PRTG: variants seen among roughly 807,000 people sequenced by gnomAD.
PRTG encodes protogenin.
In PRTG, 67 loss-of-function variants were observed where a neutral mutation model predicts 122.5. The ratio of observed to expected loss-of-function variants is 0.55; its 90% CI spans 0.45 to 0.67. The LOEUF (loss-of-function observed/expected upper bound fraction) is 0.67. Among genes scored for constraint, PRTG ranks in the 30% least tolerant of loss-of-function variants. The probability of loss-of-function intolerance (pLI) is 0.00; values close to 1 mark genes in which losing one functional copy is unlikely to be tolerated. For synonymous variants in PRTG, 554 were observed against 501.1 expected, an observed-to-expected ratio of 1.11 and a Z score of -1.41; for missense variants, 1,435 against 1,415.4, an observed-to-expected ratio of 1.01 and a Z score of -0.22.
At chr15:55,639,045 C>T (rs557128126) in intron 13 of PRTG, among the ~76,000 whole-genome samples, 36 of 152,238 alleles carry the variant, frequency 2.4e-4, no homozygotes, top group African/African-American at 7.9e-4. Context: ...GATCATAGCT[C>T]ACTGCAGCCT....
intron 18 of PRTG, among the ~76,000 whole-genome samples, chr15:55,623,796 T>C (rs1458213267): frequency 6.6e-6 from 1 of 152,224 alleles, no homozygotes; most frequent in Admixed American, 6.5e-5. Flanking sequence ...GGAAAGGACA[T>C]GAAGTAACTT....
intron 11 of PRTG, among the ~76,000 whole-genome samples, chr15:55,665,422 T>A (rs1312920892): frequency 6.6e-6 from 1 of 151,712 alleles, no homozygotes; most frequent in African/African-American, 2.4e-5. Context: ...GCAAGAACTA[T>A]ACACAGTCTA....
chr15:55,672,468 A>G lies in PRTG; in HGVS notation c.2018T>C (p.Leu673Pro), dbSNP rs2059477916. The G allele has an allele frequency of 1.2e-6, 2 of 1,613,934 alleles. No individual in the cohort carries two copies. The highest frequency in any genetic ancestry group is 2.7e-5 in the African/African-American group (2 of 74,936). The change falls in exon 11 of 20, where the codon CTA becomes CCA. Residue 673 changes from leucine (L) to proline (P), a missense_variant. Transcript: ENST00000389286. ...NGPIFLDTKD[L>P]LYTLSGLDPR... ...ACCTAAGCCACTGAGAGTATAGAGT[A>G]GGTCCTTGGTATCCAAGAAAATGGG...
chr15:55,654,684 C>T (rs978580453), intron 11 of PRTG, among the ~76,000 whole-genome samples: 3 of 152,208 alleles, frequency 2.0e-5, no homozygotes, highest in African/African-American at 7.2e-5. Context: ...CACGGTCTGT[C>T]TCACATACAT....
rs992615919 is a variant in PRTG, at chr15:55,619,451, T to C, written c.*561A>G. On this transcript the variant is annotated 3_prime_UTR_variant, in exon 20 of 20. Transcript: ENST00000389286. ...AAACATTCTTACTCATCTACCTATA[T>C]GACTCCTTTGATCACACACATTACA... The C allele has an allele frequency of 7.1e-5, 11 of 154,030 alleles. No homozygotes were observed. The highest frequency in any genetic ancestry group is 1.7e-4 in the African/African-American group (7 of 41,458). 9.5% of individuals were successfully genotyped at this position (154,030 alleles called of 1,614,324 possible). A position where few individuals can be genotyped will look rare whatever the true frequency, so the allele number is the denominator to read the frequency against.
intron 2 of PRTG, among the ~76,000 whole-genome samples, chr15:55,710,915 T>C (rs1321424640): frequency 6.6e-6 from 1 of 151,972 alleles, no homozygotes; most frequent in Non-Finnish European, 1.5e-5. Context: ...TGATTTTTTT[T>C]GTTTTTTTGA....
At chr15:55,656,458 T>C (rs2059380823) in intron 11 of PRTG, 1 of 399,024 alleles carries the variant, frequency 2.5e-6, no homozygotes, top group African/African-American at 2.1e-5. Flanking sequence ...TCTGTTAGGT[T>C]GCTTGTTGAA....
chr15:55,634,891 T>C (rs2059247967), intron 15 of PRTG, among the ~76,000 whole-genome samples: 1 of 151,836 alleles, frequency 6.6e-6, no homozygotes, highest in Admixed American at 6.6e-5. Context: ...CCCCAGTGAA[T>C]TACACCCGCA....
intron 18 of PRTG, among the ~76,000 whole-genome samples, chr15:55,621,383 T>A (rs1177886400): frequency 7.0e-6 from 1 of 143,352 alleles, no homozygotes; most frequent in African/African-American, 2.6e-5. Context: ...ATAGGCCAGG[T>A]ACGGTGGCTC....
intron 2 of PRTG, among the ~76,000 whole-genome samples, chr15:55,736,076 T>C (rs1314862644): frequency 6.6e-6 from 1 of 152,174 alleles, no homozygotes; most frequent in Non-Finnish European, 1.5e-5. Context: ...TTATCTACAG[T>C]GTTGGCAGAT....
At position 55,620,681 on chromosome 15, in the gene PRTG, CTTT is replaced by C. The variant is rs746570761; in HGVS notation, c.3177_3179del (p.Lys1061del). The C allele has an allele frequency of 1.3e-6, 2 of 1,596,358 alleles. No homozygotes were observed. The highest frequency in any genetic ancestry group is 1.7e-6 in the Non-Finnish European group (2 of 1,175,808). On this transcript the variant is annotated inframe_deletion, in exon 19 of 20. Coordinates refer to ENST00000389286, the MANE Select transcript of PRTG (RefSeq NM_173814.6). ...AGGTTACCTGCTCAACTTGTATCTT[CTTT>C]GAGTCTTGGAAAAAAAACCACTTTT...
intron 11 of PRTG, among the ~76,000 whole-genome samples, chr15:55,665,516 T>G (rs574383166): frequency 3.3e-5 from 5 of 151,812 alleles, no homozygotes; most frequent in South Asian, 2.1e-4. Context: ...TGTTTTTTTT[T>G]TTTTTAATCT....
intron 2 of PRTG, among the ~76,000 whole-genome samples, chr15:55,718,224 C>T (rs544422287): frequency 1.3e-5 from 2 of 152,238 alleles, no homozygotes; most frequent in Non-Finnish European, 2.9e-5. Context: ...AGCCAGAAAA[C>T]GGCACTTTCA....
At chr15:55,646,332 T>C (rs2059323318) in intron 11 of PRTG, among the ~76,000 whole-genome samples, 1 of 147,290 alleles carries the variant, frequency 6.8e-6, no homozygotes. Flanking sequence ...ATTCTCTTTT[T>C]TTTTTTTTAG....
At chr15:55,652,262 G>T (rs2059356889) in intron 11 of PRTG, among the ~76,000 whole-genome samples, 1 of 152,148 alleles carries the variant, frequency 6.6e-6, no homozygotes, top group Non-Finnish European at 1.5e-5. Flanking sequence ...GTCAGGATAT[G>T]CCTAATGTAT....
chr15:55,704,672 C>A (rs1473158523), intron 2 of PRTG, among the ~76,000 whole-genome samples: 2 of 152,100 alleles, frequency 1.3e-5, no homozygotes, highest in Non-Finnish European at 2.9e-5. Context: ...GCCTGTTATG[C>A]CACACAATTC....
intron 8 of PRTG, 52 bp from the exon 9 acceptor site, chr15:55,675,735 A>G: frequency 1.7e-6 from 2 of 1,193,370 alleles, no homozygotes; most frequent in South Asian, 1.4e-5. Context: ...AATAAAATTA[A>G]CAAGACCATT....
intron 2 of PRTG, among the ~76,000 whole-genome samples, chr15:55,732,935 G>C (rs1372404772): frequency 6.6e-6 from 1 of 152,238 alleles, no homozygotes; most frequent in African/African-American, 2.4e-5. Flanking sequence ...ATGGTGGCTG[G>C]ACGCAGTGGC....
Position 55,672,720 on chromosome 15 carries a change from C to A in PRTG, c.1853-87G>T, listed in dbSNP as rs2059479921. On this transcript the variant is annotated intron_variant, in intron 10 of 19. Transcript: ENST00000389286. ...ATAGGGTAGTTCTCTCAGTTTTAAG[C>A]AAACAATTACCAAAAGGTTCAATCC... 5 of 946,654 alleles carry A rather than the reference C, an allele frequency of 5.3e-6. No individual in the cohort carries two copies. The South Asian group carries it at 1.2e-4, about 23-fold the overall frequency. 58.6% of individuals were successfully genotyped at this position (946,654 alleles called of 1,614,324 possible).
Sources: gnomAD v4.1 joint callset for allele counts (sites outside exome capture counted in the v4.1 genomes callset) on GRCh38, gnomAD v4.1.1 for gene constraint, MANE v1.5 for transcripts, NCBI Gene and HGNC (gene_info 2026-07-23, HGNC 2026-07-21) for gene names.